The following ADIPOQ variants were observed in gnomAD, a reference collection of about 807,000 sequenced individuals.
The protein encoded by ADIPOQ is adiponectin, C1Q and collagen domain containing, also known as adiponectin.
Under a neutral mutation model 16.1 loss-of-function variants are expected in ADIPOQ, and 19 were observed. That is an observed-to-expected ratio of 1.18 (90% confidence interval 0.82 to 1.73). ADIPOQ has a LOEUF of 1.73. Ranked by LOEUF, ADIPOQ falls within the 40% of genes most tolerant of loss-of-function variation. The probability of loss-of-function intolerance (pLI) is 0.00; values close to 1 mark genes in which losing one functional copy is unlikely to be tolerated. For missense variants in ADIPOQ, 323 were observed against 308.3 expected (o/e 1.05, Z -0.36); for synonymous variants, 124 against 125.5 (o/e 0.99, Z 0.08).
At chr3:186,850,747 T>C (rs1198653411) in intron 1 of ADIPOQ, among the ~76,000 whole-genome samples, 4 of 152,038 alleles carry the variant, frequency 2.6e-5, no homozygotes, top group Non-Finnish European at 5.9e-5. Flanking sequence ...TTATAAAAAC[T>C]AGAAAATGCC....
In ADIPOQ at chr3:186,854,651, A is replaced by G; in HGVS notation, c.682A>G (p.Asn228Asp). The change falls in exon 3 of 3, where the codon AAT becomes GAT. Residue 228 changes from asparagine (N) to aspartate (D), a missense_variant. Asn to Asp is a conservative substitution (Grantham distance 23). Transcript: ENST00000320741. Reference protein sequence around the residue: ...EGERNGLYADNDNDSTFTGFL... With the variant: ...EGERNGLYADDDNDSTFTGFL... The stretch of plus-strand genomic sequence containing the variant: ...AGAGCGTAATGGACTCTATGCTGAT[A>G]ATGACAATGACTCCACCTTCACAGG... 1 of 1,614,174 alleles carries G rather than the reference A, an allele frequency of 6.2e-7. No individual in the cohort carries two copies. Among genetic ancestry groups the G allele is most frequent in the African/African-American group, 1.3e-5 (1 of 75,038 alleles).
At chr3:186,842,886 G>A (rs1723037946) in intron 1 of ADIPOQ, 137 bp downstream of exon 1, 1 of 152,412 alleles carries the variant, frequency 6.6e-6, no homozygotes, top group Non-Finnish European at 1.5e-5. Flanking sequence ...CAGCACTGGT[G>A]GAGGCAGATA....
intron 1 of ADIPOQ, among the ~76,000 whole-genome samples, chr3:186,844,828 T>G (rs1411270442): frequency 4.6e-5 from 7 of 152,084 alleles, no homozygotes; most frequent in Non-Finnish European, 1.5e-5. Context: ...ATATGCTTGC[T>G]CTTTTTAAGG....
rs200096637 is a variant in ADIPOQ at position 186,857,691 on chromosome 3, G to A, written c.*2987G>A. 7 of 151,964 alleles carry A rather than the reference G, an allele frequency of 4.6e-5. No individual in the cohort carries two copies. The highest frequency in any genetic ancestry group is 1.0e-4 in the Non-Finnish European group (7 of 67,982). 9.4% of individuals were successfully genotyped at this position (151,964 alleles called of 1,614,324 possible). A position where few individuals can be genotyped will look rare whatever the true frequency, so the allele number is the denominator to read the frequency against. ...CTGTGATGCTTTGAAGTACAATTGT[G>A]GATTTGTCCAATTCTCTTTAGTTCT... On this transcript the variant is annotated 3_prime_UTR_variant, in exon 3 of 3. Transcript: ENST00000320741.
intron 1 of ADIPOQ, among the ~76,000 whole-genome samples, chr3:186,851,626 T>C (rs1711770295): frequency 6.6e-6 from 1 of 152,276 alleles, no homozygotes; most frequent in Admixed American, 6.5e-5. Context: ...CCACTCTTCC[T>C]TTTTATCTTC....
intron 1 of ADIPOQ, among the ~76,000 whole-genome samples, chr3:186,843,772 TC>T (rs1298251572): frequency 6.6e-6 from 1 of 152,162 alleles, no homozygotes; most frequent in Non-Finnish European, 1.5e-5. Context: ...AAAAACATTT[TC>T]TGACAGAAGA....
In ADIPOQ at chr3:186,855,356, T is replaced by C. The variant is rs201395521; in HGVS notation, c.*652T>C. ...TTCCTCTTACCTATGTCCCTTCTCA[T>C]GCCTTTCCCTCCAACGGGGAAAGCC... On this transcript the variant is annotated 3_prime_UTR_variant, in exon 3 of 3. Transcript: ENST00000320741. 1 of 153,920 alleles carries C rather than the reference T, an allele frequency of 6.5e-6. No individual in the cohort carries two copies. The highest frequency in any genetic ancestry group is 1.4e-5 in the Non-Finnish European group (1 of 69,366). 9.5% of individuals were successfully genotyped at this position (153,920 alleles called of 1,614,324 possible).
rs1315686202 is a variant in ADIPOQ at position 186,857,098 on chromosome 3, A to G, written c.*2394A>G. On this transcript the variant is annotated 3_prime_UTR_variant, in exon 3 of 3. Transcript: ENST00000320741. ...AGCTCTCGTATCCCCAAGCCACACCATCTGGCTAAATGGACATCATGTTTT... is the reference window on the plus strand; with the variant it reads ...AGCTCTCGTATCCCCAAGCCACACCGTCTGGCTAAATGGACATCATGTTTT... The G allele has an allele frequency of 6.6e-6, 1 of 152,212 alleles. No homozygotes were observed. The highest frequency in any genetic ancestry group is 1.5e-5 in the Non-Finnish European group (1 of 68,054). 9.4% of individuals were successfully genotyped at this position (152,212 alleles called of 1,614,324 possible).
At chr3:186,851,586 A>G (rs1358882119) in intron 1 of ADIPOQ, among the ~76,000 whole-genome samples, 2 of 152,096 alleles carry the variant, frequency 1.3e-5, no homozygotes, top group African/African-American at 4.8e-5. Context: ...TATTTCAAAT[A>G]CATTCCCCCT....
At chr3:186,850,035 A>G (rs910088166) in intron 1 of ADIPOQ, among the ~76,000 whole-genome samples, 3 of 152,148 alleles carry the variant, frequency 2.0e-5, no homozygotes, top group African/African-American at 7.2e-5. Flanking sequence ...TTGGGAGCCC[A>G]AGGCGGGCGG....
At chr3:186,851,998 A>G in intron 1 of ADIPOQ, 1 of 168,950 alleles carries the variant, frequency 5.9e-6, no homozygotes, top group Non-Finnish European at 1.2e-5. Context: ...GCGAAGGGGA[A>G]GCAAGCACAT....
At chr3:186,843,848 G>C (rs941449917) in intron 1 of ADIPOQ, among the ~76,000 whole-genome samples, 1 of 152,102 alleles carries the variant, frequency 6.6e-6, no homozygotes, top group Non-Finnish European at 1.5e-5. Context: ...TGTTTCTGAG[G>C]CATCCTGGTT....
chr3:186,850,209 G>A (rs1560108007), intron 1 of ADIPOQ, among the ~76,000 whole-genome samples: 1 of 145,370 alleles, frequency 6.9e-6, no homozygotes, highest in Non-Finnish European at 1.5e-5. Flanking sequence ...GGTGGAGGCT[G>A]TAGTGAGCCG....
In ADIPOQ at chr3:186,854,548, T is replaced by TGTGGACCAGGCCTCCGGCTCTGGAG; in HGVS notation, c.601_602insGAGGTGGACCAGGCCTCCGGCTCTG (p.Val201GlyfsTer30). ...CCTATGATCAGTACCAGGAAAATAA[T>TGTGGACCAGGCCTCCGGCTCTGGAG]GTGGACCAGGCCTCCGGCTCTGTGC... is the stretch of plus-strand genomic sequence containing the variant. On this transcript the variant is annotated frameshift_variant, in exon 3 of 3. Transcript: ENST00000320741. LOFTEE classifies it high-confidence loss of function. The TGTGGACCAGGCCTCCGGCTCTGGAG allele has an allele frequency of 6.2e-7, 1 of 1,614,142 alleles. No homozygotes were observed.
rs544213852 is a variant in ADIPOQ at position 186,844,397 on chromosome 3, G to A, written c.-9+1648G>A. On this transcript the variant is annotated intron_variant, in intron 1 of 2. Transcript: ENST00000320741. ...CTTGACCTCATATTCCACCTGCCTC[G>A]GCCTCCCAAAGTGCTGGTATTACAG... 4.6e-5 allele frequency among the ~76,000 whole-genome samples: 7 copies of A among 151,640 alleles called. No individual in the cohort carries two copies. The South Asian group carries it at 6.3e-4, about 14-fold the overall frequency.
chr3:186,847,263 T>C (rs1388771252), intron 1 of ADIPOQ, among the ~76,000 whole-genome samples: 1 of 152,208 alleles, frequency 6.6e-6, no homozygotes, highest in Admixed American at 6.5e-5. Flanking sequence ...TTCTACCCTA[T>C]CCTGTCTCTC....
At chr3:186,847,114 C>T (rs941491349) in intron 1 of ADIPOQ, among the ~76,000 whole-genome samples, 7 of 152,234 alleles carry the variant, frequency 4.6e-5, no homozygotes, top group Admixed American at 4.6e-4. Flanking sequence ...TGAGCACTGA[C>T]ATGTGCCAGA....
rs1481541479 is a variant in ADIPOQ, at chr3:186,853,265, A to G, written c.207A>G (p.Gly69=). Residue 69 remains glycine (G), a synonymous_variant, in exon 2 of 3, where the codon GGA becomes GGG. Transcript: ENST00000320741. The stretch of plus-strand genomic sequence containing the variant: ...CCCCTGGTGAGAAGGGTGAGAAAGG[A>G]GATCCAGGTAAGAATGTTTCTGGCC... The part of the protein sequence containing the change: ...DGTPGEKGEK[G]DPGLIGPKGD... 3 of 1,598,074 alleles carry G rather than the reference A, an allele frequency of 1.9e-6. No individual in the cohort carries two copies. The highest frequency in any genetic ancestry group is 1.7e-6 in the Non-Finnish European group (2 of 1,171,956).
At position 186,854,691 on chromosome 3, in the gene ADIPOQ, A is replaced by G; in HGVS notation, c.722A>G (p.His241Arg). 6.2e-7 allele frequency: 1 copy of G among 1,614,174 alleles called. No homozygotes were observed. The highest frequency in any genetic ancestry group is 8.5e-7 in the Non-Finnish European group (1 of 1,180,040). ...DSTFTGFLLY[H>R]DTN ...ACCTTCACAGGCTTTCTTCTCTACC[A>G]TGACACCAACTGATCACCACTAACT... The change falls in exon 3 of 3, where the codon CAT becomes CGT. Residue 241 changes from histidine to arginine, a missense_variant. Coordinates refer to ENST00000320741, the MANE Select transcript of ADIPOQ (RefSeq NM_004797.4).
Sources: gnomAD v4.1 joint callset for allele counts (sites outside exome capture counted in the v4.1 genomes callset) on GRCh38, gnomAD v4.1.1 for gene constraint, MANE v1.5 for transcripts, NCBI Gene and HGNC (gene_info 2026-07-23, HGNC 2026-07-21) for gene names.